Variants in FBXO4 observed in about 807,000 individuals in gnomAD.
The protein encoded by FBXO4 is F-box only protein 4.
A neutral mutation model predicts 43.7 loss-of-function variants in FBXO4; 36 were observed. The ratio of observed to expected loss-of-function variants is 0.82; its 90% confidence interval spans 0.63 to 1.09. The LOEUF (loss-of-function observed/expected upper bound fraction) is 1.09. FBXO4 is among the 50% of genes least tolerant of loss of function. The pLI is 0.00. For missense variants in FBXO4, 435 were observed against 474.1 expected, an observed-to-expected ratio of 0.92 and a Z score of 0.77; for synonymous variants, 180 against 165.6, an observed-to-expected ratio of 1.09 and a Z score of -0.67.
the FBXO4 span, among the ~76,000 whole-genome samples, chr5:42,036,463 T>A: frequency 6.6e-6 from 1 of 152,154 alleles, no homozygotes; most frequent in Non-Finnish European, 1.5e-5. Flanking sequence ...GTTTACTCTA[T>A]GGCCCTTTAA....
rs865850784 is a variant in FBXO4, at chr5:41,939,755, T to A, written c.1074+139T>A. Reference sequence around the variant, plus strand: ...AATAGCTTAATCTATGGAAGCTATTTGATTGGTGATAATAAATGTTAGCTG... The same window carrying A: ...AATAGCTTAATCTATGGAAGCTATTAGATTGGTGATAATAAATGTTAGCTG... On this transcript the variant is annotated intron_variant, in intron 6 of 6. Transcript: ENST00000281623. 2.0e-5 allele frequency: 13 copies of A among 635,854 alleles called. No individual in the cohort carries two copies. In the South Asian group the frequency reaches 3.8e-4, roughly 19 times the overall value. 39.4% of individuals were successfully genotyped at this position (635,854 alleles called of 1,614,324 possible). A position where few individuals can be genotyped will look rare whatever the true frequency, so the allele number is the denominator to read the frequency against.
At chr5:42,016,131 A>C in the FBXO4 span, among the ~76,000 whole-genome samples, 1 of 152,186 alleles carries the variant, frequency 6.6e-6, no homozygotes, top group Non-Finnish European at 1.5e-5. Context: ...AGCGAGCTAG[A>C]AAACTGTTAA....
At chr5:42,028,979 C>T in the FBXO4 span, among the ~76,000 whole-genome samples, 1 of 152,042 alleles carries the variant, frequency 6.6e-6, no homozygotes, top group African/African-American at 2.4e-5. Flanking sequence ...GTAGTTTACA[C>T]ATCACAGTTA....
At chr5:41,985,982 A>G in the FBXO4 span, among the ~76,000 whole-genome samples, 1 of 152,184 alleles carries the variant, frequency 6.6e-6, no homozygotes, top group Non-Finnish European at 1.5e-5. Context: ...CAAATTTTCT[A>G]TTTAAAATTC....
rs376927920 is a variant in FBXO4, at chr5:41,925,286, C to T, written c.-24C>T. The T allele has an allele frequency of 5.3e-5, 70 of 1,319,528 alleles. No homozygotes were observed. The highest frequency in any genetic ancestry group is 6.5e-5 in the Non-Finnish European group (67 of 1,029,794). The allele number at this position is 1,319,528 out of a possible 1,614,324, so 81.7% of individuals were successfully genotyped here. ...GACGCGCTAGCGTGGCTCTAAGACG[C>T]GTCACCCACGCTGCGGGCAAGCCAT... On this transcript the variant is annotated 5_prime_UTR_variant, in exon 1 of 7. Transcript: ENST00000281623.
At chr5:41,945,262 T>C (rs1752061587), downstream of FBXO4, among the ~76,000 whole-genome samples, 1 of 152,240 alleles carries the variant, frequency 6.6e-6, no homozygotes, top group South Asian at 2.1e-4. Flanking sequence ...TTTTGTTCCT[T>C]GCTTAGTATA....
the FBXO4 span, among the ~76,000 whole-genome samples, chr5:41,966,066 A>G: frequency 6.6e-6 from 1 of 152,194 alleles, no homozygotes; most frequent in Non-Finnish European, 1.5e-5. Flanking sequence ...CAAACACTGC[A>G]TATTCTCGCT....
the FBXO4 span, among the ~76,000 whole-genome samples, chr5:41,988,941 G>A: frequency 6.6e-6 from 1 of 152,148 alleles, no homozygotes; most frequent in Non-Finnish European, 1.5e-5. Flanking sequence ...GCTGTGGAAA[G>A]CACTTAACCA....
intron 3 of FBXO4, among the ~76,000 whole-genome samples, chr5:41,930,538 C>T (rs976909368): frequency 1.1e-4 from 16 of 152,238 alleles, no homozygotes; most frequent in South Asian, 8.3e-4. Flanking sequence ...AGAAAGGTAA[C>T]GGTCAAAGAA....
At chr5:41,925,616 C>A in intron 1 of FBXO4, 118 bp downstream of exon 1, 1 of 676,788 alleles carries the variant, frequency 1.5e-6, no homozygotes, top group Non-Finnish European at 2.1e-6. Context: ...CTGGCTCCGT[C>A]CATGCAGCCA....
At chr5:42,011,156 G>A in the FBXO4 span, among the ~76,000 whole-genome samples, 2 of 152,180 alleles carry the variant, frequency 1.3e-5, no homozygotes, top group African/African-American at 4.8e-5. Flanking sequence ...AACTTGCTGT[G>A]ATTGGGATGC....
chr5:41,947,712 G>A, the FBXO4 span, among the ~76,000 whole-genome samples: 1 of 152,200 alleles, frequency 6.6e-6, no homozygotes, highest in African/African-American at 2.4e-5. Context: ...GATAAAATGA[G>A]AGAGGTAGTC....
chr5:41,981,454 G>A, the FBXO4 span, among the ~76,000 whole-genome samples: 3 of 150,620 alleles, frequency 2.0e-5, no homozygotes, highest in African/African-American at 7.3e-5. Context: ...GATTTTTTGG[G>A]TTTGGATTTT....
Position 41,933,965 on chromosome 5 carries a change from T to C in FBXO4, c.666T>C (p.Asn222=). ...RQIDGIGSGV[N]FQLNNQHKFN... ...TCTTAGGTATTGGATCAGGAGTCAA[T>C]TTTCAGTTGAACAACCAACATAAAT... Residue 222 remains asparagine, a synonymous_variant, in exon 4 of 7, where the codon AAT becomes AAC. Transcript: ENST00000281623. 8.7e-6 allele frequency: 14 copies of C among 1,613,340 alleles called. No individual in the cohort carries two copies. Among genetic ancestry groups the C allele is most frequent in the Non-Finnish European group, 1.2e-5 (14 of 1,179,766 alleles).
At chr5:41,963,299 C>T in the FBXO4 span, among the ~76,000 whole-genome samples, 6 of 151,674 alleles carry the variant, frequency 4.0e-5, no homozygotes, top group Non-Finnish European at 1.5e-5. Context: ...AGGTATTAAT[C>T]TTTTTTTTAA....
At chr5:42,031,733 G>C in the FBXO4 span, among the ~76,000 whole-genome samples, 5 of 152,032 alleles carry the variant, frequency 3.3e-5, no homozygotes, top group African/African-American at 1.2e-4. Flanking sequence ...GGATGGTCTT[G>C]ATGCTAGTAG....
chr5:42,006,500 G>A, the FBXO4 span, among the ~76,000 whole-genome samples: 62 of 151,948 alleles, frequency 4.1e-4, no homozygotes, highest in African/African-American at 1.4e-3. Context: ...TTGGCAACAT[G>A]GAGTGGGAAA....
the FBXO4 span, among the ~76,000 whole-genome samples, chr5:42,024,922 G>T: frequency 6.6e-6 from 1 of 151,974 alleles, no homozygotes; most frequent in Non-Finnish European, 1.5e-5. Context: ...TTGTGTATAT[G>T]TACCACATTT....
In FBXO4 at chr5:41,934,144, A is replaced by G; in HGVS notation, c.734A>G (p.Asp245Gly). The change falls in exon 5 of 7, where the codon GAT (aspartate) becomes GGT (glycine). Residue 245 changes from aspartate (D) to glycine (G), a missense_variant. Coordinates refer to ENST00000281623, the MANE Select transcript of FBXO4 (RefSeq NM_012176.3). ...AATTTTTTTTCTAGAAAGGAAAGAG[A>G]TAGAGCAAGGGAAGAGCATACAAGT... ...ILYSTTRKER[D>G]RAREEHTSAV... 1.2e-6 allele frequency: 2 copies of G among 1,614,008 alleles called. No individual in the cohort carries two copies. The highest frequency in any genetic ancestry group is 8.5e-7 in the Non-Finnish European group (1 of 1,179,960).
Sources: allele counts gnomAD v4.1 joint callset (sites outside exome capture counted in the v4.1 genomes callset), GRCh38; gene constraint gnomAD v4.1.1; transcripts MANE v1.5; gene names NCBI Gene and HGNC (gene_info 2026-07-23, HGNC 2026-07-21).